Variants in DPY19L1 observed in about 807,000 individuals in gnomAD.
The protein encoded by DPY19L1 is protein C-mannosyl-transferase DPY19L1.
A neutral mutation model predicts 96.9 loss-of-function variants in DPY19L1; 35 were observed. The ratio of observed to expected loss-of-function variants is 0.36; its 90% CI spans 0.28 to 0.48. The LOEUF (loss-of-function observed/expected upper bound fraction) is 0.48. Ranked by LOEUF, DPY19L1 falls within the 20% of genes least tolerant of loss-of-function variation. DPY19L1 has a pLI of 0.99. For synonymous variants in DPY19L1, 205 were observed against 252.6 expected (o/e 0.81, Z 1.79); for missense variants, 521 against 777.9 (o/e 0.67, Z 3.93).
At chr7:34,947,985 A>T (rs1784187014) in intron 14 of DPY19L1, among the ~76,000 whole-genome samples, 1 of 152,168 alleles carries the variant, frequency 6.6e-6, no homozygotes, top group Non-Finnish European at 1.5e-5. Context: ...CTAACTAGAG[A>T]GACCAACTTA....
chr7:35,009,426 A>G (rs1246612808), intron 6 of DPY19L1, among the ~76,000 whole-genome samples: 1 of 152,236 alleles, frequency 6.6e-6, no homozygotes, highest in Non-Finnish European at 1.5e-5. Flanking sequence ...TTGGCAAAAA[A>G]GAAGTAAACA....
intron 7 of DPY19L1, among the ~76,000 whole-genome samples, chr7:34,983,840 G>A (rs1189292822): frequency 1.3e-5 from 2 of 152,052 alleles, no homozygotes. Context: ...TTCCAAAACT[G>A]ATTAAAAATA....
intron 8 of DPY19L1, among the ~76,000 whole-genome samples, chr7:34,969,988 T>C (rs1036125214): frequency 2.0e-5 from 3 of 152,090 alleles, no homozygotes; most frequent in African/African-American, 7.2e-5. Flanking sequence ...AGATAAAAAG[T>C]TGGGTCTGGC....
chr7:34,956,610 C>T (rs1254386103), intron 11 of DPY19L1, among the ~76,000 whole-genome samples: 1 of 151,740 alleles, frequency 6.6e-6, no homozygotes, highest in African/African-American at 2.4e-5. Context: ...GGGTTCATGC[C>T]ATTCTGCCTC....
intron 10 of DPY19L1, among the ~76,000 whole-genome samples, chr7:34,959,926 TATA>T (rs1562806999): frequency 0.046 from 985 of 21,556 alleles, 20 homozygotes; most frequent in African/African-American, 0.26. Context: ...TATATATATT[TATA>T]TATATATATA....
intron 6 of DPY19L1, among the ~76,000 whole-genome samples, chr7:35,009,004 T>C (rs1785636702): frequency 1.3e-5 from 2 of 152,210 alleles, no homozygotes; most frequent in African/African-American, 4.8e-5. Flanking sequence ...TCTTTCACAA[T>C]CATCTTTTAA....
At chr7:34,993,515 A>C (rs1010533867) in intron 6 of DPY19L1, among the ~76,000 whole-genome samples, 3 of 151,874 alleles carry the variant, frequency 2.0e-5, no homozygotes, top group African/African-American at 7.3e-5. Context: ...TTAAAAAGCT[A>C]CCCACCCCCA....
At chr7:34,940,562 C>A (rs1426235329) in intron 18 of DPY19L1, among the ~76,000 whole-genome samples, 1 of 152,072 alleles carries the variant, frequency 6.6e-6, no homozygotes, top group African/African-American at 2.4e-5. Context: ...GCTTTCACTA[C>A]TCCCAGATTC....
At chr7:35,022,752 T>C (rs910038270) in intron 1 of DPY19L1, among the ~76,000 whole-genome samples, 6 of 151,790 alleles carry the variant, frequency 4.0e-5, no homozygotes, top group African/African-American at 1.2e-4. Context: ...ATAACCTCAA[T>C]TGAATATATT....
chr7:35,015,369 T>C (rs1785818323), intron 3 of DPY19L1, among the ~76,000 whole-genome samples: 3 of 152,286 alleles, frequency 2.0e-5, no homozygotes, highest in East Asian at 3.9e-4. Flanking sequence ...GTTTCACAAG[T>C]TACAGGTCAC....
intron 7 of DPY19L1, among the ~76,000 whole-genome samples, chr7:34,987,225 T>C (rs1785069166): frequency 6.6e-6 from 1 of 152,048 alleles, no homozygotes; most frequent in Non-Finnish European, 1.5e-5. Flanking sequence ...AAATTCTCAA[T>C]TGTGACTGAA....
intron 18 of DPY19L1, 102 bp from the exon 19 acceptor site, chr7:34,940,429 C>A (rs1480489984): frequency 2.2e-6 from 2 of 905,608 alleles, no homozygotes; most frequent in Admixed American, 7.0e-5. Flanking sequence ...CTGCTAGAGT[C>A]CCAAATAAAG....
intron 10 of DPY19L1, among the ~76,000 whole-genome samples, chr7:34,961,274 G>C (rs1418936535): frequency 2.0e-5 from 3 of 152,192 alleles, no homozygotes; most frequent in Admixed American, 1.3e-4. Flanking sequence ...AATCAAGACA[G>C]TGTGATATTG....
intron 13 of DPY19L1, among the ~76,000 whole-genome samples, chr7:34,952,129 C>CCA (rs1562803900): frequency 7.6e-6 from 1 of 131,140 alleles, no homozygotes; most frequent in African/African-American, 2.8e-5. Flanking sequence ...AAAAAGACCA[C>CCA]AAAAAAAAAA....
At chr7:35,037,824 G>T (rs1045947819), upstream of DPY19L1, 71 of 1,228,618 alleles carry the variant, frequency 5.8e-5, 1 homozygote, top group Admixed American at 1.3e-4. Context: ...ACACCTCTTC[G>T]GCGCCCGCGC....
At chr7:34,999,698 T>A (rs1444174701) in intron 6 of DPY19L1, among the ~76,000 whole-genome samples, 4 of 152,206 alleles carry the variant, frequency 2.6e-5, no homozygotes, top group Non-Finnish European at 5.9e-5. Context: ...TTTATACATT[T>A]GACAAAGTAC....
At chr7:34,941,610 A>G (rs1784017574) in intron 18 of DPY19L1, among the ~76,000 whole-genome samples, 155 bp downstream of exon 18, 1 of 152,248 alleles carries the variant, frequency 6.6e-6, no homozygotes. Flanking sequence ...GAAAATGATC[A>G]GCTTTGGCCC....
At position 35,027,668 on chromosome 7, in the gene DPY19L1, T is replaced by TAAAAAAAAAAAA. The variant is rs57262214; in HGVS notation, c.299-9084_299-9073dup. On this transcript the variant is annotated intron_variant, in intron 1 of 21. Coordinates refer to ENST00000638088, the MANE Select transcript of DPY19L1 (RefSeq NM_001366673.1). Reference sequence around the variant, plus strand: ...CAACATGGCAAAACCCCGTCTCTACTAAAAAAAAAAAAAAAAAAAATTAGT... The same window carrying TAAAAAAAAAAAA: ...CAACATGGCAAAACCCCGTCTCTACTAAAAAAAAAAAAAAAAAAAAAAAAAAAAAAAATTAGT... 2.1e-4 allele frequency among the ~76,000 whole-genome samples: 15 copies of TAAAAAAAAAAAA among 71,382 alleles called. 3 individuals carry two copies. Among genetic ancestry groups the TAAAAAAAAAAAA allele is most frequent in the East Asian group, 3.8e-4 (1 of 2,626 alleles). The allele number at this position is 71,382 out of a possible 152,430, so 46.8% of individuals were successfully genotyped here. A position where few individuals can be genotyped will look rare whatever the true frequency, so the allele number is the denominator to read the frequency against.
chr7:35,035,083 G>A (rs533317439), intron 1 of DPY19L1, among the ~76,000 whole-genome samples: 2 of 152,332 alleles, frequency 1.3e-5, no homozygotes, highest in African/African-American at 4.8e-5. Flanking sequence ...TACAGAGCCA[G>A]AGAAAGAAGC....
Sources: gnomAD v4.1 joint callset for allele counts (sites outside exome capture counted in the v4.1 genomes callset) on GRCh38, gnomAD v4.1.1 for gene constraint, MANE v1.5 for transcripts, NCBI Gene and HGNC (gene_info 2026-07-23, HGNC 2026-07-21) for gene names.